ABCA7: variants seen among roughly 807,000 people sequenced by gnomAD.
ABCA7 encodes phospholipid-transporting ATPase ABCA7.
Under a neutral mutation model 227.6 loss-of-function variants are expected in ABCA7, and 261 were observed. The ratio of observed to expected loss-of-function variants is 1.15; its 90% CI spans 1.04 to 1.27. The LOEUF is 1.27. Ranked by LOEUF, ABCA7 falls within the 50% of genes most tolerant of loss-of-function variation. ABCA7 has a pLI of 0.00. For synonymous variants in ABCA7, 1,488 were observed against 1,279.7 expected (o/e 1.16, Z -3.47); for missense variants, 3,331 against 2,924.5 (o/e 1.14, Z -3.21).
At chr19:1,046,580 T>TGG (rs3834987) in intron 13 of ABCA7, among the ~76,000 whole-genome samples, 174 bp downstream of exon 13, 123 of 134,318 alleles carry the variant, frequency 9.2e-4, no homozygotes, top group African/African-American at 3.1e-3. Context: ...GAGGGTCTGG[T>TGG]GGGGGGGGGG....
At chr19:1,055,831 C>G (rs1424766558) in intron 30 of ABCA7, 76 bp from the exon 31 acceptor site, 2 of 1,428,574 alleles carry the variant, frequency 1.4e-6, no homozygotes, top group East Asian at 4.7e-5. Context: ...ACCCTTGACT[C>G]TGTGCTCCCC....
chr19:1,055,962 G>T (rs1468812654), intron 31 of ABCA7, 23 bp downstream of exon 31: 2 of 1,580,088 alleles, frequency 1.3e-6, no homozygotes, highest in South Asian at 1.2e-5. Flanking sequence ...CTAGCTTGGG[G>T]TCCCCTGCCC....
Position 1,058,033 on chromosome 19 carries a change from T to C in ABCA7, c.4999T>C (p.Phe1667Leu). ...TGGCATCAATGGAAGCATGGCCACCTTTGTGCTTGAGCTCTTCTCTGATCA... is the reference window on the plus strand; with the variant it reads ...TGGCATCAATGGAAGCATGGCCACCCTTGTGCTTGAGCTCTTCTCTGATCA... ...FIGINGSMAT[F>L]VLELFSDQKL... The change falls in exon 36 of 47, where the codon TTT becomes CTT. Residue 1667 changes from phenylalanine to leucine, a missense_variant. Transcript: ENST00000263094. 6.2e-7 allele frequency: 1 copy of C among 1,614,090 alleles called. No homozygotes were observed. Among genetic ancestry groups the C allele is most frequent in the Non-Finnish European group, 8.5e-7 (1 of 1,180,022 alleles).
In ABCA7 at chr19:1,053,489, G is replaced by A. The variant is rs1382049825; in HGVS notation, c.3381G>A (p.Leu1127=). 1 of 1,584,346 alleles carries A rather than the reference G, an allele frequency of 6.3e-7. No homozygotes were observed. The highest frequency in any genetic ancestry group is 1.1e-5 in the South Asian group (1 of 87,794). Residue 1127 remains leucine (L), a synonymous_variant, in exon 24 of 47, where the codon CTG becomes CTA. Coordinates refer to ENST00000263094, the MANE Select transcript of ABCA7 (RefSeq NM_019112.4). ...AGCTAGACACGCGGCTGGCGGAGCTGAGGCTCACTGGCTACGGGATCTCCG... is the reference window on the plus strand; with the variant it reads ...AGCTAGACACGCGGCTGGCGGAGCTAAGGCTCACTGGCTACGGGATCTCCG... ...FRELDTRLAE[L]RLTGYGISDT... is the part of the protein sequence containing the mutation.
intron 18 of ABCA7, among the ~76,000 whole-genome samples, chr19:1,050,564 G>C (rs984351721): frequency 6.6e-6 from 1 of 151,868 alleles, no homozygotes; most frequent in East Asian, 1.9e-4. Flanking sequence ...GAGGTCAGGA[G>C]ATTGAGATCA....
intron 16 of ABCA7, among the ~76,000 whole-genome samples, chr19:1,048,518 A>AC (rs2040975907): frequency 1.4e-5 from 2 of 141,096 alleles, no homozygotes; most frequent in African/African-American, 5.3e-5. Flanking sequence ...AACAAAAAAA[A>AC]AAAAAACAAG....
chr19:1,053,191 C>A, intron 23 of ABCA7, 138 bp from the exon 24 acceptor site: 1 of 883,298 alleles, frequency 1.1e-6, no homozygotes, highest in Non-Finnish European at 1.7e-6. Flanking sequence ...CTGCGCCCGG[C>A]CGCACCTGGC....
At chr19:1,053,184 C>T (rs1174894853) in intron 23 of ABCA7, 145 bp from the exon 24 acceptor site, 26 of 808,494 alleles carry the variant, frequency 3.2e-5, no homozygotes, top group South Asian at 8.9e-5. Context: ...TGAGCCACTG[C>T]GCCCGGCCGC....
chr19:1,054,081 A>G lies in ABCA7; in HGVS notation c.3548A>G (p.Gln1183Arg), dbSNP rs750739040. 10 of 1,613,204 alleles carry G rather than the reference A, an allele frequency of 6.2e-6. No homozygotes were observed. The South Asian group carries it at 7.7e-5, about 12-fold the overall frequency. Residue 1183 changes from glutamine (Q) to arginine (R), a missense_variant, in exon 26 of 47, where the codon CAG (glutamine) becomes CGG (arginine). Gln to Arg is a conservative substitution (Grantham distance 43, BLOSUM62 1). Coordinates refer to ENST00000263094, the MANE Select transcript of ABCA7 (RefSeq NM_019112.4). This position sits in a 1 kb window ranked among gnomAD's most constrained non-coding sequence, Gnocchi z 4.8. ...DVTLRLKMPP[Q>R]ETALENGEPA... The stretch of plus-strand genomic sequence containing the variant: ...ACCCTACGGCTCAAGATGCCGCCAC[A>G]GGAGACAGCGCTGGAGAACGGGGAA...
chr19:1,047,288 C>T lies in ABCA7; in HGVS notation c.1977C>T (p.Cys659=), dbSNP rs756812352. 4.4e-6 allele frequency: 7 copies of T among 1,604,862 alleles called. No homozygotes were observed. In the East Asian group the frequency reaches 1.1e-4, roughly 26 times the overall value. The stretch of plus-strand genomic sequence containing the variant: ...CCCGCGCCAACCTGGCTGCGGCCTG[C>T]GGCGGCCTGGCCTACTTCTCCCTCT... ...FFSRANLAAA[C]GGLAYFSLYL... The change falls in exon 15 of 47, where the codon TGC becomes TGT. Residue 659 remains cysteine, a synonymous_variant. Transcript: ENST00000263094.
chr19:1,057,904 T>C lies in ABCA7; in HGVS notation c.4881-11T>C, dbSNP rs759747233. On this transcript the variant is annotated splice_polypyrimidine_tract_variant and intron_variant, in intron 35 of 46. Coordinates refer to ENST00000263094, the MANE Select transcript of ABCA7 (RefSeq NM_019112.4). ...GAGTGGTTACTCCAGTGACTCCTAT[T>C]GTCCCTTCAGCTGGTCGATCACACC... The C allele has an allele frequency of 2.3e-5, 37 of 1,613,852 alleles. No homozygotes were observed. In the Middle Eastern group the frequency reaches 4.9e-4, roughly 22 times the overall value.
intron 18 of ABCA7, 109 bp from the exon 19 acceptor site, chr19:1,050,810 AAT>A (rs1301174185): frequency 2.7e-5 from 13 of 484,310 alleles, no homozygotes; most frequent in Admixed American, 6.8e-5. Context: ...TAATAATAAT[AAT>A]AATAATAAAT....
chr19:1,049,164 C>T, intron 17 of ABCA7, 102 bp from the exon 18 acceptor site: 3 of 1,374,990 alleles, frequency 2.2e-6, no homozygotes, highest in South Asian at 2.8e-5. Flanking sequence ...CTTTTATAGG[C>T]CCCGGCCCAG....
At position 1,041,924 on chromosome 19, in the gene ABCA7, T is replaced by G; in HGVS notation, c.254T>G (p.Leu85Arg). 1 of 1,599,456 alleles carries G rather than the reference T, an allele frequency of 6.3e-7. No individual in the cohort carries two copies. ...CNVNNTCFPQ[L>R]TPGEEPGRLS... ...GTGAACAACACCTGCTTTCCGCAGC[T>G]GACACCGGGCGAGGAGCCCGGGCGC... is the stretch of plus-strand genomic sequence containing the variant. The change falls in exon 4 of 47, where the codon CTG (leucine) becomes CGG (arginine). Residue 85 changes from leucine (L) to arginine (R), a missense_variant. By Grantham distance (102) the Leu-to-Arg change is moderately radical. Transcript: ENST00000263094.
intron 23 of ABCA7, among the ~76,000 whole-genome samples, chr19:1,052,729 AGAG>A (rs2041885349): frequency 7.0e-6 from 1 of 141,870 alleles, no homozygotes; most frequent in African/African-American, 2.6e-5. Context: ...GAGGAGAAGG[AGAG>A]GAGGAGGAGA....
chr19:1,041,973 G>A lies in ABCA7; in HGVS notation c.302+1G>A. 1 of 1,583,100 alleles carries A rather than the reference G, an allele frequency of 6.3e-7. No individual in the cohort carries two copies. ...GCCTGAGCAACTTCAACGACTCCCT[G>A]TGAGCCAGAGGCAGTGGGTGCGGCC... On this transcript the variant is annotated splice_donor_variant, in intron 4 of 46. Coordinates refer to ENST00000263094, the MANE Select transcript of ABCA7 (RefSeq NM_019112.4). LOFTEE classifies it high-confidence loss of function.
rs2040794118 is a variant in ABCA7 at position 1,047,293 on chromosome 19, G to T, written c.1982G>T (p.Gly661Val). Residue 661 changes from glycine to valine, a missense_variant, in exon 15 of 47, where the codon GGC (glycine) becomes GTC (valine). Gly to Val is a moderately radical substitution (Grantham distance 109). Transcript: ENST00000263094. ...GCCAACCTGGCTGCGGCCTGCGGCG[G>T]CCTGGCCTACTTCTCCCTCTACCTG... is the stretch of plus-strand genomic sequence containing the variant. ...SRANLAAACG[G>V]LAYFSLYLPY... is the part of the protein sequence containing the mutation. 2.5e-6 allele frequency: 4 copies of T among 1,604,694 alleles called. No individual in the cohort carries two copies. The highest frequency in any genetic ancestry group is 1.3e-5 in the African/African-American group (1 of 74,872).
At chr19:1,047,684 G>C (rs774886463) in intron 16 of ABCA7, 30 bp downstream of exon 16, 3 of 1,554,156 alleles carry the variant, frequency 1.9e-6, no homozygotes, top group East Asian at 2.3e-5. Flanking sequence ...GCTCCGGGCC[G>C]GGTCGCACCT....
chr19:1,045,533 A>T, intron 12 of ABCA7: 1 of 396,008 alleles, frequency 2.5e-6, no homozygotes, highest in South Asian at 3.1e-5. Context: ...GGTGGAGCTA[A>T]AATTGCACCG....
Sources: gnomAD v4.1 joint callset for allele counts (sites outside exome capture counted in the v4.1 genomes callset) on GRCh38, gnomAD v4.1.1 for gene constraint, Gnocchi (gnomAD v3.1) non-coding constraint, MANE v1.5 for transcripts, NCBI Gene and HGNC (gene_info 2026-07-23, HGNC 2026-07-21) for gene names.